Variants in CAB39 observed in about 807,000 individuals in gnomAD.
CAB39 encodes the protein calcium binding protein 39.
CAB39 carries 8 observed loss-of-function variants against 40.0 expected under a neutral mutation model. The ratio of observed to expected loss-of-function variants is 0.20; its 90% CI spans 0.12 to 0.36. The LOEUF is 0.36. CAB39 is among the 10% of genes least tolerant of loss of function. The pLI, the probability that CAB39 is intolerant of heterozygous loss-of-function variation, is 1.00. For synonymous variants in CAB39, 156 were observed against 141.6 expected, an observed-to-expected ratio of 1.10 and a Z score of -0.72; for missense variants, 270 against 401.1, an observed-to-expected ratio of 0.67 and a Z score of 2.79.
intron 2 of CAB39, among the ~76,000 whole-genome samples, chr2:230,760,966 CT>C (rs1254560319): frequency 6.6e-6 from 1 of 151,310 alleles, no homozygotes; most frequent in Non-Finnish European, 1.5e-5. Flanking sequence ...CACACAGGAT[CT>C]TCGTGATCTG....
chr2:230,795,819 T>A (rs890922014), intron 4 of CAB39, among the ~76,000 whole-genome samples: 1 of 152,176 alleles, frequency 6.6e-6, no homozygotes, highest in African/African-American at 2.4e-5. Flanking sequence ...CCCAAAATAG[T>A]CTCATTTTTT....
At chr2:230,757,661 CG>C (rs1559600130) in intron 1 of CAB39, among the ~76,000 whole-genome samples, 1 of 152,130 alleles carries the variant, frequency 6.6e-6, no homozygotes, top group Non-Finnish European at 1.5e-5. Context: ...TGCATAGCAC[CG>C]TAACACTTCC....
Position 230,820,805 on chromosome 2 carries a change from G to A in CAB39, c.*2101G>A, listed in dbSNP as rs574422284. 29 of 152,724 alleles carry A rather than the reference G, an allele frequency of 1.9e-4. No individual in the cohort carries two copies. Among genetic ancestry groups the A allele is most frequent in the African/African-American group, 7.0e-4 (29 of 41,566 alleles). The allele number at this position is 152,724 out of a possible 1,614,324, so 9.5% of individuals were successfully genotyped here. On this transcript the variant is annotated 3_prime_UTR_variant, in exon 9 of 9. Coordinates refer to ENST00000258418, the MANE Select transcript of CAB39 (RefSeq NM_016289.4). ...AGCAAAACAATGTGAAAACATTTAA[G>A]TTTGAAATGTTGCATTTGAAGTTAT...
At chr2:230,801,746 A>G (rs549484552) in intron 5 of CAB39, among the ~76,000 whole-genome samples, 5 of 152,100 alleles carry the variant, frequency 3.3e-5, no homozygotes, top group Non-Finnish European at 4.4e-5. Context: ...ACATGCGCCT[A>G]TAGTCTCAGC....
chr2:230,815,926 G>A (rs1421402055), intron 7 of CAB39, among the ~76,000 whole-genome samples: 1 of 152,196 alleles, frequency 6.6e-6, no homozygotes, highest in Non-Finnish European at 1.5e-5. Context: ...CCATATTTAT[G>A]TCGCCAGCAA....
At chr2:230,807,887 A>G (rs73992905) in intron 5 of CAB39, among the ~76,000 whole-genome samples, 9,137 of 152,142 alleles carry the variant, frequency 0.06, 949 homozygotes, top group African/African-American at 0.21. Flanking sequence ...GTGAGCAGCA[A>G]GTTCCTTCTG....
chr2:230,803,442 A>G (rs532508729), intron 5 of CAB39, among the ~76,000 whole-genome samples: 15 of 152,354 alleles, frequency 9.8e-5, no homozygotes, highest in African/African-American at 2.9e-4. Flanking sequence ...AGGGTATTCA[A>G]TTAGGAAAAG....
At chr2:230,773,306 A>ATG (rs1695521757) in intron 2 of CAB39, among the ~76,000 whole-genome samples, 1 of 91,568 alleles carries the variant, frequency 1.1e-5, no homozygotes, top group African/African-American at 5.3e-5. Flanking sequence ...GTGTATATAT[A>ATG]TATATATATG....
rs1369757484 is a variant in CAB39, at chr2:230,810,916, A to G, written c.627+594A>G. Among the ~76,000 whole-genome samples the G allele has an allele frequency of 7.2e-5, 11 of 152,336 alleles. No homozygotes were observed. In the East Asian group the frequency reaches 7.7e-4, roughly 11 times the overall value. On this transcript the variant is annotated intron_variant, in intron 6 of 8. Coordinates refer to ENST00000258418, the MANE Select transcript of CAB39 (RefSeq NM_016289.4). ...AATAGTGTCCCCCAGAGATTTGTCA[A>G]TGATTTCCAGAGTGCTTGATAGCTT... is the stretch of plus-strand genomic sequence containing the variant.
intron 5 of CAB39, among the ~76,000 whole-genome samples, chr2:230,806,991 C>A (rs973095009): frequency 1.2e-4 from 18 of 152,160 alleles, no homozygotes; most frequent in Admixed American, 1.1e-3. Context: ...AAGTTGGCTG[C>A]TTAGTCTGCT....
At chr2:230,798,478 G>C (rs957068619) in intron 4 of CAB39, among the ~76,000 whole-genome samples, 1 of 152,176 alleles carries the variant, frequency 6.6e-6, no homozygotes, top group African/African-American at 2.4e-5. Flanking sequence ...TAGTCACACA[G>C]TCACTCGTAT....
chr2:230,752,054 C>T (rs1695098319), intron 1 of CAB39: 1 of 121,868 alleles, frequency 8.2e-6, no homozygotes, highest in African/African-American at 3.1e-5. Flanking sequence ...ACATACACAC[C>T]CCCAACCTCA....
At chr2:230,816,214 A>C (rs1696397694) in intron 7 of CAB39, among the ~76,000 whole-genome samples, 1 of 152,240 alleles carries the variant, frequency 6.6e-6, no homozygotes. Context: ...TGGAGGTTGC[A>C]GTGAGCCAAG....
chr2:230,799,641 A>T (rs376581365), intron 5 of CAB39, among the ~76,000 whole-genome samples: 2 of 152,368 alleles, frequency 1.3e-5, no homozygotes, highest in East Asian at 3.9e-4. Flanking sequence ...TGTAGGTTAC[A>T]TTCCCTTATA....
intron 1 of CAB39, among the ~76,000 whole-genome samples, chr2:230,746,801 T>C (rs1694985261): frequency 6.6e-6 from 1 of 152,128 alleles, no homozygotes; most frequent in South Asian, 2.1e-4. Context: ...GTTGGTGTGA[T>C]TTTTGTTTTC....
intron 5 of CAB39, among the ~76,000 whole-genome samples, chr2:230,804,962 G>C (rs1696164117): frequency 6.6e-6 from 1 of 152,086 alleles, no homozygotes; most frequent in Non-Finnish European, 1.5e-5. Context: ...ATTTACTGTT[G>C]CACTATTCAC....
chr2:230,820,705 G>GT lies in CAB39; in HGVS notation c.*2002dup, dbSNP rs1355561094. 1.3e-5 allele frequency: 2 copies of GT among 152,638 alleles called. No individual in the cohort carries two copies. Among genetic ancestry groups the GT allele is most frequent in the Non-Finnish European group, 2.9e-5 (2 of 68,042 alleles). 9.5% of individuals were successfully genotyped at this position (152,638 alleles called of 1,614,324 possible). ...TAGGTGGAAGAAGTGAGGGTGCAGC[G>GT]TGTCAGACACAACATTCATGTTACT... is the stretch of plus-strand genomic sequence containing the variant. On this transcript the variant is annotated 3_prime_UTR_variant, in exon 9 of 9. Coordinates refer to ENST00000258418, the MANE Select transcript of CAB39 (RefSeq NM_016289.4).
chr2:230,726,253 C>G (rs536872107), intron 1 of CAB39, among the ~76,000 whole-genome samples: 94 of 152,082 alleles, frequency 6.2e-4, no homozygotes, highest in African/African-American at 2.2e-3. Context: ...ACCTCTGCCT[C>G]CTGGATTCAA....
intron 5 of CAB39, among the ~76,000 whole-genome samples, chr2:230,809,196 A>T (rs923773699): frequency 6.6e-6 from 1 of 152,198 alleles, no homozygotes; most frequent in African/African-American, 2.4e-5. Context: ...GCAGTCTAGG[A>T]CCTGACATCT....
Sources: allele counts gnomAD v4.1 joint callset (sites outside exome capture counted in the v4.1 genomes callset), GRCh38; gene constraint gnomAD v4.1.1; transcripts MANE v1.5; gene names NCBI Gene and HGNC (gene_info 2026-07-23, HGNC 2026-07-21).